SNX13: variants seen among roughly 807,000 people sequenced by gnomAD.
SNX13 encodes sorting nexin 13, also known as sorting nexin-13.
In SNX13, 45 loss-of-function variants were observed where a neutral mutation model predicts 133.6. The ratio of observed to expected loss-of-function variants is 0.34; its 90% CI spans 0.27 to 0.43. The LOEUF (loss-of-function observed/expected upper bound fraction) is 0.43, where lower values mean the gene tolerates loss of function less well. Ranked by LOEUF, SNX13 falls within the 20% of genes least tolerant of loss-of-function variation. The probability of loss-of-function intolerance (pLI) is 1.00; values close to 1 mark genes in which losing one functional copy is unlikely to be tolerated. For missense variants in SNX13, 1,032 were observed against 1,145.1 expected, an observed-to-expected ratio of 0.90 and a Z score of 1.43; for synonymous variants, 414 against 373.9, an observed-to-expected ratio of 1.11 and a Z score of -1.24.
chr7:17,848,338 C>A (rs1040432148), intron 11 of SNX13, among the ~76,000 whole-genome samples: 1 of 152,158 alleles, frequency 6.6e-6, no homozygotes, highest in Non-Finnish European at 1.5e-5. Flanking sequence ...TCTTTCAACT[C>A]ATTCATGTGA....
intron 5 of SNX13, among the ~76,000 whole-genome samples, chr7:17,877,045 G>GAAAA (rs57618763): frequency 6.7e-5 from 4 of 60,062 alleles, no homozygotes; most frequent in Admixed American, 4.1e-4. Context: ...GTTACTTTTT[G>GAAAA]AAAAAAAAAA....
chr7:17,894,609 A>C (rs1004487416), intron 2 of SNX13, among the ~76,000 whole-genome samples: 14 of 152,284 alleles, frequency 9.2e-5, no homozygotes, highest in Middle Eastern at 3.4e-3. Flanking sequence ...ATAAATGGTG[A>C]TTTAGAACTA....
chr7:17,869,178 T>C (rs1249502320), intron 8 of SNX13, among the ~76,000 whole-genome samples: 2 of 152,132 alleles, frequency 1.3e-5, no homozygotes, highest in East Asian at 1.9e-4. Flanking sequence ...TCATGCCCTG[T>C]ATCTACAGCA....
At position 17,855,156 on chromosome 7, in the gene SNX13, C is replaced by T. The variant is rs185379471; in HGVS notation, c.838-4192G>A. On this transcript the variant is annotated intron_variant, in intron 9 of 25. Coordinates refer to ENST00000428135, the MANE Select transcript of SNX13 (RefSeq NM_015132.5). ...CCAAAGCCTATTCCAGAGCAAGGCC[C>T]GGACTAGCTTCAATTCTATAAAGGC... is the stretch of plus-strand genomic sequence containing the variant. Among the ~76,000 whole-genome samples the T allele has an allele frequency of 3.2e-3, 481 of 152,198 alleles. 1 individual carries two copies. The highest frequency in any genetic ancestry group is 0.011 in the African/African-American group (453 of 41,512).
intron 1 of SNX13, among the ~76,000 whole-genome samples, chr7:17,933,350 T>A (rs949675564): frequency 6.6e-6 from 1 of 152,128 alleles, no homozygotes; most frequent in African/African-American, 2.4e-5. Context: ...GAGACCATCG[T>A]GGCTAACCTG....
chr7:17,832,357 C>A, intron 15 of SNX13: 1 of 984,454 alleles, frequency 1.0e-6, no homozygotes, highest in Non-Finnish European at 1.2e-6. Context: ...GTTACAGGAT[C>A]AAAAATTACT....
intron 22 of SNX13, among the ~76,000 whole-genome samples, chr7:17,801,194 A>G (rs1333408673): frequency 6.6e-6 from 1 of 151,584 alleles, no homozygotes; most frequent in Non-Finnish European, 1.5e-5. Flanking sequence ...AATACTATAA[A>G]GCCACAAGAA....
chr7:17,801,658 A>G lies in SNX13; in HGVS notation c.2228T>C (p.Val743Ala). The G allele has an allele frequency of 6.2e-7, 1 of 1,604,320 alleles. No individual in the cohort carries two copies. Among genetic ancestry groups the G allele is most frequent in the Non-Finnish European group, 8.5e-7 (1 of 1,175,368 alleles). Residue 743 changes from valine to alanine, a missense_variant and splice_region_variant, in exon 22 of 26, where the codon GTG (valine) becomes GCG (alanine). Val to Ala is a moderately conservative substitution (Grantham distance 64, BLOSUM62 0). Coordinates refer to ENST00000428135, the MANE Select transcript of SNX13 (RefSeq NM_015132.5). ...ATCAGTCTTAGGAATTAAAGGAGGCACCTAAAAATAAAACCAAATCCACAA... is the reference window on the plus strand; with the variant it reads ...ATCAGTCTTAGGAATTAAAGGAGGCGCCTAAAAATAAAACCAAATCCACAA... ...GQDIKQSFFK[V>A]PPLIPKTDSD...
Position 17,793,808 on chromosome 7 carries a change from T to C in SNX13, c.*237A>G, listed in dbSNP as rs1783772072. Reference sequence around the variant, plus strand: ...CCATTCTTGCTTGAGATGGGGGCAGTTTTCTCTCAATGTTGCAAAATATGC... The same window carrying C: ...CCATTCTTGCTTGAGATGGGGGCAGCTTTCTCTCAATGTTGCAAAATATGC... On this transcript the variant is annotated 3_prime_UTR_variant, in exon 26 of 26. Coordinates refer to ENST00000428135, the MANE Select transcript of SNX13 (RefSeq NM_015132.5). The C allele has an allele frequency of 2.6e-5, 10 of 389,296 alleles. 1 individual carries two copies. In the South Asian group the frequency reaches 5.0e-4, roughly 20 times the overall value. The allele number at this position is 389,296 out of a possible 1,614,324, so 24.1% of individuals were successfully genotyped here. A position where few individuals can be genotyped will look rare whatever the true frequency, so the allele number is the denominator to read the frequency against.
At chr7:17,854,151 T>C (rs950485920) in intron 9 of SNX13, among the ~76,000 whole-genome samples, 1 of 152,180 alleles carries the variant, frequency 6.6e-6, no homozygotes, top group African/African-American at 2.4e-5. Context: ...GGGTGTTTAA[T>C]GCAACAATTT....
At chr7:17,884,772 C>T (rs564344769) in intron 5 of SNX13, among the ~76,000 whole-genome samples, 1 of 152,266 alleles carries the variant, frequency 6.6e-6, no homozygotes, top group East Asian at 1.9e-4. Flanking sequence ...TGAAAAGATG[C>T]TCGATATCAC....
chr7:17,851,225 G>A (rs529573975), intron 9 of SNX13, among the ~76,000 whole-genome samples: 2 of 152,330 alleles, frequency 1.3e-5, no homozygotes, highest in East Asian at 3.9e-4. Flanking sequence ...AAGCCATGAT[G>A]ACTGGAACTA....
intron 9 of SNX13, among the ~76,000 whole-genome samples, chr7:17,855,154 C>T (rs1035532190): frequency 3.3e-5 from 5 of 152,116 alleles, no homozygotes; most frequent in African/African-American, 1.2e-4. Context: ...CAGAGCAAGG[C>T]CCGGACTAGC....
intron 9 of SNX13, among the ~76,000 whole-genome samples, chr7:17,857,618 T>C (rs995333766): frequency 6.6e-6 from 1 of 152,096 alleles, no homozygotes; most frequent in South Asian, 2.1e-4. Context: ...ACCTCATCTC[T>C]ATTAAATATA....
chr7:17,794,530 A>G (rs1783846445), intron 25 of SNX13: 1 of 409,572 alleles, frequency 2.4e-6, no homozygotes, highest in Non-Finnish European at 4.3e-6. Context: ...TGTAAGAGAT[A>G]AAAAATAAAA....
Position 17,792,540 on chromosome 7 carries a change from T to C in SNX13, c.*1505A>G, listed in dbSNP as rs1347950233. On this transcript the variant is annotated 3_prime_UTR_variant, in exon 26 of 26. Coordinates refer to ENST00000428135, the MANE Select transcript of SNX13 (RefSeq NM_015132.5). ...TCTAAGTGAAAACAAGACAGTGATA[T>C]CTTGTTCCAATCTTAAAGCTCCCAA... 1 of 152,448 alleles carries C rather than the reference T, an allele frequency of 6.6e-6. No individual in the cohort carries two copies. The highest frequency in any genetic ancestry group is 2.4e-5 in the African/African-American group (1 of 41,436). 9.4% of individuals were successfully genotyped at this position (152,448 alleles called of 1,614,324 possible).
intron 16 of SNX13, 83 bp downstream of exon 16, chr7:17,829,927 T>A: frequency 1.0e-6 from 1 of 989,012 alleles, no homozygotes. Flanking sequence ...CTTCTTTATA[T>A]ATCATTTATT....
chr7:17,854,106 G>A (rs1158094114), intron 9 of SNX13, among the ~76,000 whole-genome samples: 1 of 152,134 alleles, frequency 6.6e-6, no homozygotes, highest in African/African-American at 2.4e-5. Context: ...ATGTATGAGT[G>A]TAAAAGATTT....
chr7:17,909,419 T>C (rs1004614735), intron 1 of SNX13, among the ~76,000 whole-genome samples: 2 of 152,158 alleles, frequency 1.3e-5, no homozygotes, highest in Admixed American at 6.5e-5. Context: ...ACTACAGCAC[T>C]ATTCACAGTA....
Sources: allele counts gnomAD v4.1 joint callset (sites outside exome capture counted in the v4.1 genomes callset), GRCh38; gene constraint gnomAD v4.1.1; transcripts MANE v1.5; gene names NCBI Gene and HGNC (gene_info 2026-07-23, HGNC 2026-07-21).